FCMR: variants seen among roughly 807,000 people sequenced by gnomAD.
FCMR encodes immunoglobulin mu Fc receptor.
Under a neutral mutation model 41.6 loss-of-function variants are expected in FCMR, and 34 were observed. The observed-to-expected ratio is 0.82, with a 90% CI of 0.62 to 1.09. The LOEUF is 1.09. Ranked by LOEUF, FCMR falls within the 50% of genes least tolerant of loss-of-function variation. The pLI, the probability that FCMR is intolerant of heterozygous loss-of-function variation, is 0.00. For missense variants in FCMR, 496 were observed against 512.5 expected, an observed-to-expected ratio of 0.97 and a Z score of 0.31; for synonymous variants, 209 against 211.8, an observed-to-expected ratio of 0.99 and a Z score of 0.12.
At chr1:206,918,195 G>T (rs982275589) in intron 1 of FCMR, among the ~76,000 whole-genome samples, 2 of 152,118 alleles carry the variant, frequency 1.3e-5, no homozygotes, top group East Asian at 3.8e-4. Context: ...TTGACAGAAT[G>T]GAGCCAGCCC....
At chr1:206,920,359 G>A (rs567524156) in intron 1 of FCMR, among the ~76,000 whole-genome samples, 1 of 151,586 alleles carries the variant, frequency 6.6e-6, no homozygotes, top group Admixed American at 6.6e-5. Context: ...GGAAGCTAAG[G>A]CAGGAGAATC....
chr1:206,905,127 G>A lies in FCMR; in HGVS notation c.1065C>T (p.Leu355=), dbSNP rs769484415. Residue 355 remains leucine, a synonymous_variant, in exon 8 of 8, where the codon CTC becomes CTT. Coordinates refer to ENST00000367091, the MANE Select transcript of FCMR (RefSeq NM_005449.5). ...APLQVSESPW[L]HAPSLKTSCE... ...AGCTGGTCTTCAGAGATGGGGCATG[G>A]AGCCAGGGAGATTCAGACACCTGGG... 6.2e-7 allele frequency: 1 copy of A among 1,614,150 alleles called. No homozygotes were observed. The highest frequency in any genetic ancestry group is 8.5e-7 in the Non-Finnish European group (1 of 1,180,030).
At chr1:206,908,804 G>A (rs1433108387) in intron 7 of FCMR, among the ~76,000 whole-genome samples, 1 of 152,114 alleles carries the variant, frequency 6.6e-6, no homozygotes, top group African/African-American at 2.4e-5. Context: ...GACACTGTAG[G>A]CTGCTTTAGA....
rs939745175 is a variant in FCMR at position 206,909,101 on chromosome 1, C to T, written c.1044+361G>A. 6.6e-6 allele frequency among the ~76,000 whole-genome samples: 1 copy of T among 152,098 alleles called. No homozygotes were observed. The highest frequency in any genetic ancestry group is 1.5e-5 in the Non-Finnish European group (1 of 67,980). Reference sequence around the variant, plus strand: ...TGAACTGTCTAGGTAGCTTCCACCTCCCTAGGACCCCCTAGAAATCTAATC... The same window carrying T: ...TGAACTGTCTAGGTAGCTTCCACCTTCCTAGGACCCCCTAGAAATCTAATC... On this transcript the variant is annotated intron_variant, in intron 7 of 7. Coordinates refer to ENST00000367091, the MANE Select transcript of FCMR (RefSeq NM_005449.5). This position sits in a 1 kb window ranked among gnomAD's most constrained non-coding sequence, Gnocchi z 5.0.
rs142847006 is a variant in FCMR at position 206,905,027 on chromosome 1, G to T, written c.1165C>A (p.Pro389Thr). Residue 389 changes from proline to threonine, a missense_variant, in exon 8 of 8, where the codon CCT becomes ACT. Physicochemically the swap from Pro to Thr is conservative, Grantham distance 38. Coordinates refer to ENST00000367091, the MANE Select transcript of FCMR (RefSeq NM_005449.5). ...GGATAGCTGGGGAGTTGTCAGGCAG[G>T]AACATTGATGTAGTCATCTGAATCA... ...DSDSDDYINV[P>T]A 7.5e-4 allele frequency: 1,207 copies of T among 1,614,048 alleles called. 2 individuals carry two copies. The highest frequency in any genetic ancestry group is 3.5e-3 in the Middle Eastern group (21 of 5,996).
chr1:206,920,721 AAATT>A (rs530016592), intron 1 of FCMR, among the ~76,000 whole-genome samples: 545 of 152,330 alleles, frequency 3.6e-3, no homozygotes, highest in African/African-American at 0.013. Flanking sequence ...AAGTTTAAGA[AAATT>A]AATCTGGCAC....
At chr1:206,913,346 G>T (rs1679025877) in intron 2 of FCMR, among the ~76,000 whole-genome samples, 1 of 152,186 alleles carries the variant, frequency 6.6e-6, no homozygotes, top group Admixed American at 6.5e-5. Flanking sequence ...GAGAAATAAA[G>T]GATCAGGTCA....
At position 206,913,812 on chromosome 1, in the gene FCMR, C is replaced by A; in HGVS notation, c.320G>T (p.Gly107Val). The change falls in exon 2 of 8, where the codon GGC becomes GTC. Residue 107 changes from glycine (G) to valine (V), a missense_variant. By Grantham distance (109) the Gly-to-Val change is moderately radical. Coordinates refer to ENST00000367091, the MANE Select transcript of FCMR (RefSeq NM_005449.5). The stretch of plus-strand genomic sequence containing the variant: ...GGTCTTTCCCCGGTCTGTGTTCATG[C>A]CCGCTCCGCAGGCATAGACTCCGCT... The part of the protein sequence containing the change: ...SDSGVYACGA[G>V]MNTDRGKTQK... 1 of 1,614,230 alleles carries A rather than the reference C, an allele frequency of 6.2e-7. No homozygotes were observed. The highest frequency in any genetic ancestry group is 8.5e-7 in the Non-Finnish European group (1 of 1,180,042).
At chr1:206,910,013 G>C in intron 5 of FCMR, 145 bp from the exon 6 acceptor site, 3 of 1,152,302 alleles carry the variant, frequency 2.6e-6, no homozygotes, top group Non-Finnish European at 3.5e-6. Context: ...ACGAGGCACG[G>C]CCTTGCCCTG....
intron 1 of FCMR, among the ~76,000 whole-genome samples, chr1:206,915,068 G>A (rs530160749): frequency 4.6e-5 from 7 of 152,324 alleles, no homozygotes; most frequent in South Asian, 4.1e-4. Flanking sequence ...TCGCTCAGGC[G>A]CATCCATCTA....
rs556317325 is a variant in FCMR at position 206,913,889 on chromosome 1, G to A, written c.243C>T (p.Tyr81=). Residue 81 remains tyrosine (Y), a synonymous_variant, in exon 2 of 8, where the codon TAC becomes TAT. Coordinates refer to ENST00000367091, the MANE Select transcript of FCMR (RefSeq NM_005449.5). The part of the protein sequence containing the change: ...EYKGRVTLKQ[Y]PRKNLFLVEV... The stretch of plus-strand genomic sequence containing the variant: ...CCACTAGGAACAGATTCTTGCGTGG[G>A]TATTGCTTCAGAGTAACTCGGCCCT... The A allele has an allele frequency of 6.2e-7, 1 of 1,614,200 alleles. No individual in the cohort carries two copies. The highest frequency in any genetic ancestry group is 1.7e-5 in the Admixed American group (1 of 60,034).
intron 1 of FCMR, among the ~76,000 whole-genome samples, chr1:206,921,046 A>G (rs1188048795): frequency 6.6e-6 from 1 of 152,184 alleles, no homozygotes; most frequent in Non-Finnish European, 1.5e-5. Context: ...GGCAGTTTAC[A>G]TTTCAAATCT....
chr1:206,910,886 T>TTGTG (rs61104420), intron 4 of FCMR, among the ~76,000 whole-genome samples: 49 of 151,674 alleles, frequency 3.2e-4, no homozygotes, highest in Admixed American at 4.6e-4. Context: ...TAAGCCAGAT[T>TTGTG]TGTGTGTGTG....
chr1:206,905,827 T>C (rs1025722935), intron 7 of FCMR: 2 of 163,132 alleles, frequency 1.2e-5, no homozygotes, highest in Non-Finnish European at 2.7e-5. Flanking sequence ...AGCCTGAATA[T>C]AGTAGGCATT....
chr1:206,903,590 G>T lies in FCMR; in HGVS notation c.*1429C>A, dbSNP rs1678488366. 6.5e-6 allele frequency: 1 copy of T among 153,768 alleles called. No homozygotes were observed. The highest frequency in any genetic ancestry group is 2.4e-5 in the African/African-American group (1 of 41,462). 9.5% of individuals were successfully genotyped at this position (153,768 alleles called of 1,614,324 possible). A position where few individuals can be genotyped will look rare whatever the true frequency, so the allele number is the denominator to read the frequency against. On this transcript the variant is annotated 3_prime_UTR_variant, in exon 8 of 8. Transcript: ENST00000367091. ...GCAGGGACAGAGCATTGGGGTGGGG[G>T]TAAGGTGCATCTGTTTGAAAAGTAA...
intron 7 of FCMR, chr1:206,906,164 C>T (rs1264926900): frequency 5.8e-6 from 3 of 517,138 alleles, no homozygotes; most frequent in South Asian, 2.9e-5. Flanking sequence ...GATCCCAGAA[C>T]AGCTCAAGAT....
intron 1 of FCMR, 124 bp from the exon 2 acceptor site, chr1:206,914,218 TC>T: frequency 1.5e-6 from 1 of 684,782 alleles, no homozygotes; most frequent in Non-Finnish European, 2.5e-6. Context: ...CTCACATTCA[TC>T]CCCAGATCCA....
At chr1:206,912,077 T>C (rs1241621238) in intron 3 of FCMR, 125 bp from the exon 4 acceptor site, 1 of 710,584 alleles carries the variant, frequency 1.4e-6, no homozygotes, top group African/African-American at 1.9e-5. Flanking sequence ...GTTCTTGCAG[T>C]CCTCAGGGCC....
At chr1:206,907,966 C>T (rs1678747011) in intron 7 of FCMR, 1 of 1,445,968 alleles carries the variant, frequency 6.9e-7, no homozygotes, top group South Asian at 1.1e-5. Flanking sequence ...CAAGAAAAAG[C>T]GGATGGTGGT....
Sources: gnomAD v4.1 joint callset for allele counts (sites outside exome capture counted in the v4.1 genomes callset) on GRCh38, gnomAD v4.1.1 for gene constraint, Gnocchi (gnomAD v3.1) non-coding constraint, MANE v1.5 for transcripts, NCBI Gene and HGNC (gene_info 2026-07-23, HGNC 2026-07-21) for gene names.